Variants in MIDEAS observed in about 807,000 individuals in gnomAD.
MIDEAS encodes the protein mitotic deacetylase associated SANT domain protein.
MIDEAS carries 26 observed loss-of-function variants against 102.7 expected under a neutral mutation model. The observed-to-expected ratio is 0.25, with a 90% confidence interval of 0.19 to 0.35. MIDEAS has a LOEUF of 0.35. Ranked by LOEUF, MIDEAS falls within the 10% of genes least tolerant of loss-of-function variation. The pLI, the probability that MIDEAS is intolerant of heterozygous loss-of-function variation, is 1.00. For synonymous variants in MIDEAS, 585 were observed against 591.0 expected (o/e 0.99, Z 0.15); for missense variants, 1,231 against 1,435.6 (o/e 0.86, Z 2.30).
chr14:73,785,805 T>TC (rs1412077069), intron 1 of MIDEAS, among the ~76,000 whole-genome samples: 1 of 152,136 alleles, frequency 6.6e-6, no homozygotes, highest in Non-Finnish European at 1.5e-5. Context: ...TGCAGTGGCC[T>TC]CCCGAGTCCA....
chr14:73,762,149 C>A (rs774768513), upstream of MIDEAS, among the ~76,000 whole-genome samples: 1 of 152,238 alleles, frequency 6.6e-6, no homozygotes, highest in Non-Finnish European at 1.5e-5. Flanking sequence ...GAGAGCCCAG[C>A]CCCTGCAGTT....
Position 73,717,747 on chromosome 14 carries a change from C to T in MIDEAS, c.*1096G>A, listed in dbSNP as rs2052913557. The T allele has an allele frequency of 6.6e-6, 1 of 152,644 alleles. No individual in the cohort carries two copies. The highest frequency in any genetic ancestry group is 1.5e-5 in the Non-Finnish European group (1 of 68,034). 9.5% of individuals were successfully genotyped at this position (152,644 alleles called of 1,614,324 possible). On this transcript the variant is annotated 3_prime_UTR_variant, in exon 13 of 13. Coordinates refer to ENST00000423556, the MANE Select transcript of MIDEAS (RefSeq NM_001367710.1). ...AAATACTAAGAATAAATAAATAGCT[C>T]CCAAATGACACGAGTCAAGGAATGA...
intron 3 of MIDEAS, among the ~76,000 whole-genome samples, chr14:73,736,336 TAGA>T (rs899472591): frequency 1.3e-5 from 2 of 151,414 alleles, no homozygotes; most frequent in Non-Finnish European, 2.9e-5. Context: ...ACCTCAATCT[TAGA>T]AGGAGATGTC....
At chr14:73,790,129 G>A (rs1360922531), upstream of MIDEAS, 2 of 152,314 alleles carry the variant, frequency 1.3e-5, no homozygotes, top group East Asian at 1.9e-4. Flanking sequence ...CTGCTGCCAG[G>A]GCGAGGGAGA....
chr14:73,768,286 A>G (rs575720412), intron 1 of MIDEAS, among the ~76,000 whole-genome samples: 17 of 152,294 alleles, frequency 1.1e-4, no homozygotes, highest in Non-Finnish European at 2.4e-4. Flanking sequence ...GAGGTTCAAG[A>G]AGGTTAAACA....
At chr14:73,772,226 CT>C (rs1190220822) in intron 1 of MIDEAS, among the ~76,000 whole-genome samples, 1 of 152,226 alleles carries the variant, frequency 6.6e-6, no homozygotes. Flanking sequence ...GTCCCTCCCC[CT>C]GGCCTCCTTC....
intron 1 of MIDEAS, among the ~76,000 whole-genome samples, chr14:73,747,994 T>C (rs1187147903): frequency 2.0e-5 from 3 of 152,206 alleles, no homozygotes; most frequent in Non-Finnish European, 4.4e-5. Context: ...TACTGAGCAC[T>C]TACTATTTGC....
intron 1 of MIDEAS, 142 bp from the exon 2 acceptor site, chr14:73,740,397 A>C (rs969613893): frequency 7.6e-6 from 3 of 397,282 alleles, no homozygotes; most frequent in Non-Finnish European, 1.3e-5. Context: ...GTCACAGAGC[A>C]GCATTGGTGA....
chr14:73,766,331 C>A (rs1463446591), intron 1 of MIDEAS, among the ~76,000 whole-genome samples: 1 of 152,178 alleles, frequency 6.6e-6, no homozygotes, highest in Non-Finnish European at 1.5e-5. Context: ...GGTGGGTGCT[C>A]AGTGAATGCC....
chr14:73,723,693 G>A (rs1004773626), intron 9 of MIDEAS: 5 of 152,220 alleles, frequency 3.3e-5, no homozygotes, highest in Admixed American at 3.3e-4. Flanking sequence ...CTAAATCTAA[G>A]TCCGGGGTGG....
At chr14:73,774,149 A>G (rs2053668829) in intron 1 of MIDEAS, among the ~76,000 whole-genome samples, 1 of 151,904 alleles carries the variant, frequency 6.6e-6, no homozygotes, top group Non-Finnish European at 1.5e-5. Flanking sequence ...CCTCTGAGTG[A>G]CAACCCTGGG....
intron 10 of MIDEAS, among the ~76,000 whole-genome samples, chr14:73,722,208 T>C (rs1418979966): frequency 6.6e-6 from 1 of 152,220 alleles, no homozygotes; most frequent in African/African-American, 2.4e-5. Context: ...ACCAGTACCT[T>C]CTATTTATAG....
At chr14:73,747,987 T>G (rs1427436120) in intron 1 of MIDEAS, among the ~76,000 whole-genome samples, 1 of 152,252 alleles carries the variant, frequency 6.6e-6, no homozygotes. Context: ...CCATGTTTAC[T>G]GAGCACTTAC....
chr14:73,781,250 C>T (rs1388802800), intron 1 of MIDEAS, among the ~76,000 whole-genome samples: 1 of 152,176 alleles, frequency 6.6e-6, no homozygotes, highest in Non-Finnish European at 1.5e-5. Flanking sequence ...GATGCTGTTA[C>T]TACAGTTACT....
rs1473421209 is a variant in MIDEAS, at chr14:73,725,567, G to T, written c.2486-207C>A. 6.6e-6 allele frequency among the ~76,000 whole-genome samples: 1 copy of T among 152,192 alleles called. No individual in the cohort carries two copies. Among genetic ancestry groups the T allele is most frequent in the African/African-American group, 2.4e-5 (1 of 41,438 alleles). On this transcript the variant is annotated intron_variant, in intron 8 of 12. Transcript: ENST00000423556. This position sits in a 1 kb window ranked among gnomAD's most constrained non-coding sequence, Gnocchi z 4.1. ...TAATATCACCTAGCTCACCAGCTGT[G>T]GTGAGGATTAAATAAGATAATGCAT...
intron 3 of MIDEAS, 32 bp downstream of exon 3, chr14:73,736,966 C>A (rs1440625502): frequency 6.3e-7 from 1 of 1,598,188 alleles, no homozygotes; most frequent in South Asian, 1.1e-5. Flanking sequence ...CACTCACGCG[C>A]TGGAGGTGTT....
rs902408100 is a variant in MIDEAS at position 73,715,298 on chromosome 14, CAA to C, written c.*3543_*3544del. ...TTCAGTCTCTATCACAACTGTACAG[CAA>C]AAGAGGTAATATTTATATATGTACA... is the stretch of plus-strand genomic sequence containing the variant. On this transcript the variant is annotated 3_prime_UTR_variant, in exon 13 of 13. Transcript: ENST00000423556. The C allele has an allele frequency of 5.3e-5, 8 of 152,378 alleles. No homozygotes were observed. The highest frequency in any genetic ancestry group is 2.1e-4 in the South Asian group (1 of 4,808). 9.4% of individuals were successfully genotyped at this position (152,378 alleles called of 1,614,324 possible). A position where few individuals can be genotyped will look rare whatever the true frequency, so the allele number is the denominator to read the frequency against.
intron 1 of MIDEAS, among the ~76,000 whole-genome samples, chr14:73,782,548 T>G (rs1406664901): frequency 6.6e-6 from 1 of 152,138 alleles, no homozygotes; most frequent in Non-Finnish European, 1.5e-5. Context: ...TAGGCTGGTC[T>G]TGAACTTCTA....
chr14:73,727,002 G>C (rs372921747), intron 5 of MIDEAS, 30 bp from the exon 6 acceptor site: 37 of 1,562,114 alleles, frequency 2.4e-5, no homozygotes, highest in Middle Eastern at 1.7e-4. Flanking sequence ...AGGAAGTGAG[G>C]CCTCACCTTG....
Sources: allele counts gnomAD v4.1 joint callset (sites outside exome capture counted in the v4.1 genomes callset), GRCh38; gene constraint gnomAD v4.1.1; non-coding constraint Gnocchi (gnomAD v3.1); transcripts MANE v1.5; gene names NCBI Gene and HGNC (gene_info 2026-07-23, HGNC 2026-07-21).